The following ZSWIM8 variants were observed in gnomAD, a reference collection of about 807,000 sequenced individuals.
The protein encoded by ZSWIM8 is zinc finger SWIM domain-containing protein 8.
In ZSWIM8, 27 loss-of-function variants were observed where a neutral mutation model predicts 173.7. The observed-to-expected ratio is 0.16, with a 90% confidence interval of 0.11 to 0.21. The LOEUF is 0.21. Among genes scored for constraint, ZSWIM8 ranks in the 10% least tolerant of loss-of-function variants. ZSWIM8 has a pLI of 1.00. For synonymous variants in ZSWIM8, 958 were observed against 962.0 expected (o/e 1.00, Z 0.08); for missense variants, 1,627 against 2,428.8 (o/e 0.67, Z 6.94).
At chr10:73,786,231 C>A in intron 1 of ZSWIM8, 145 bp downstream of exon 1, 1 of 949,654 alleles carries the variant, frequency 1.1e-6, no homozygotes, top group Non-Finnish European at 1.5e-6. Flanking sequence ...GGAGCTGTCC[C>A]CGACTGGGAG....
Position 73,785,792 on chromosome 10 carries a change from A to C in ZSWIM8, c.-87A>C, listed in dbSNP as rs934510162. 2.4e-5 allele frequency: 34 copies of C among 1,408,112 alleles called. No individual in the cohort carries two copies. In the African/African-American group the frequency reaches 4.8e-4, roughly 20 times the overall value. 87.2% of individuals were successfully genotyped at this position (1,408,112 alleles called of 1,614,324 possible). A position where few individuals can be genotyped will look rare whatever the true frequency, so the allele number is the denominator to read the frequency against. ...CACCCCCAGCCCCGGCTCGCCCCTC[A>C]GGCCCCGGGCCTCCCCTCAACCCCC... is the stretch of plus-strand genomic sequence containing the variant. On this transcript the variant is annotated 5_prime_UTR_variant, in exon 1 of 26. Transcript: ENST00000604729.
chr10:73,786,347 C>T (rs181008434), intron 1 of ZSWIM8: 704 of 270,716 alleles, frequency 2.6e-3, no homozygotes, highest in African/African-American at 8.0e-3. Context: ...TGTGTGTGTG[C>T]GCGCGCGCGC....
intron 1 of ZSWIM8, chr10:73,786,302 G>T (rs2132634421): frequency 1.8e-6 from 1 of 541,678 alleles, no homozygotes; most frequent in South Asian, 2.8e-5. Flanking sequence ...GGGTGGGCTG[G>T]CTTCTCCACA....
chr10:73,787,142 C>G (rs924926851), intron 1 of ZSWIM8, among the ~76,000 whole-genome samples: 10 of 152,094 alleles, frequency 6.6e-5, no homozygotes, highest in African/African-American at 2.4e-4. Flanking sequence ...CCGGGTTTCT[C>G]CATGTTGGTC....
rs1210119454 is a variant in ZSWIM8, at chr10:73,801,273, T to C, written c.5302-43T>C. The C allele has an allele frequency of 6.2e-7, 1 of 1,607,392 alleles. No individual in the cohort carries two copies. The highest frequency in any genetic ancestry group is 8.5e-7 in the Non-Finnish European group (1 of 1,175,058). ...ACCAGAGGGAGGCAGGGCCTGTTTC[T>C]GTGCTTTGTACTAAGGCTCATCCTG... On this transcript the variant is annotated intron_variant, in intron 25 of 25. Coordinates refer to ENST00000604729, the MANE Select transcript of ZSWIM8 (RefSeq NM_001367799.1). This position sits in a 1 kb window ranked among gnomAD's most constrained non-coding sequence, Gnocchi z 4.9.
intron 1 of ZSWIM8, among the ~76,000 whole-genome samples, chr10:73,787,326 A>C (rs1468518566): frequency 6.6e-6 from 1 of 152,106 alleles, no homozygotes; most frequent in Non-Finnish European, 1.5e-5. Context: ...CACACACACA[A>C]ACACACACAG....
chr10:73,789,958 C>A lies in ZSWIM8; in HGVS notation c.741C>A (p.Ile247=), dbSNP rs759839036. 6.2e-7 allele frequency: 1 copy of A among 1,612,710 alleles called. No individual in the cohort carries two copies. The highest frequency in any genetic ancestry group is 1.7e-5 in the Admixed American group (1 of 59,870). ...GCCTCCGTCTCTTTCTCCCTCAGAT[C>A]CTCCCCACAGCTCAGCGTCTCCTGG... ...QYLISELPQQ[I]LPTAQRLLDE... The change falls in exon 6 of 26, where the codon ATC becomes ATA. Residue 247 remains isoleucine (I), a splice_region_variant and synonymous_variant. Transcript: ENST00000604729. This position sits in a 1 kb window ranked among gnomAD's most constrained non-coding sequence, Gnocchi z 6.8.
chr10:73,785,985 G>T lies in ZSWIM8; in HGVS notation c.107G>T (p.Ser36Ile). The part of the protein sequence containing the change: ...SLCSFISEAE[S>I]LCQNWRGWRK... ...TGTTCCTTCATCTCCGAGGCCGAGAGCCTCTGCCAGAACTGGCGGGGATGG... is the reference window on the plus strand; with the variant it reads ...TGTTCCTTCATCTCCGAGGCCGAGATCCTCTGCCAGAACTGGCGGGGATGG... Residue 36 changes from serine to isoleucine, a missense_variant, in exon 1 of 26, where the codon AGC (serine) becomes ATC (isoleucine). Ser to Ile is a moderately radical substitution (Grantham distance 142). Coordinates refer to ENST00000604729, the MANE Select transcript of ZSWIM8 (RefSeq NM_001367799.1). 6.2e-7 allele frequency: 1 copy of T among 1,600,780 alleles called. No homozygotes were observed. The highest frequency in any genetic ancestry group is 1.1e-5 in the South Asian group (1 of 88,760).
chr10:73,786,238 G>A, intron 1 of ZSWIM8, 152 bp downstream of exon 1: 1 of 896,216 alleles, frequency 1.1e-6, no homozygotes, highest in South Asian at 1.9e-5. Flanking sequence ...TCCCCGACTG[G>A]GAGCTGTCCC....
rs1302245038 is a variant in ZSWIM8 at position 73,793,912 on chromosome 10, C to T, written c.2493C>T (p.Thr831=). 1.9e-6 allele frequency: 3 copies of T among 1,613,194 alleles called. No homozygotes were observed. The highest frequency in any genetic ancestry group is 2.7e-5 in the African/African-American group (2 of 74,906). ...VSTSRQTWVA[T]NTLSKAAFLL... ...CGAGCCGTCAGACCTGGGTGGCTAC[C>T]AACACCCTGAGCAAGGCGGCCTTCC... is the stretch of plus-strand genomic sequence containing the variant. Residue 831 remains threonine (T), a synonymous_variant, in exon 12 of 26, where the codon ACC becomes ACT. Coordinates refer to ENST00000604729, the MANE Select transcript of ZSWIM8 (RefSeq NM_001367799.1).
Position 73,800,570 on chromosome 10 carries a change from AGGTG to A in ZSWIM8, c.5003-69_5003-66del. On this transcript the variant is annotated intron_variant, in intron 23 of 25. Transcript: ENST00000604729. This position sits in a 1 kb window ranked among gnomAD's most constrained non-coding sequence, Gnocchi z 4.1. ...CTCTTCATTTGTTTACTGTGGGGTC[AGGTG>A]ACAGGTTGGGGTAAAGGGTGAAGAG... 1 of 1,602,960 alleles carries A rather than the reference AGGTG, an allele frequency of 6.2e-7. No homozygotes were observed. The highest frequency in any genetic ancestry group is 8.5e-7 in the Non-Finnish European group (1 of 1,173,256).
intron 21 of ZSWIM8, chr10:73,799,755 ACC>A (rs2083839671): frequency 1.6e-6 from 1 of 626,496 alleles, no homozygotes; most frequent in African/African-American, 1.8e-5. Context: ...ACATGGGGAA[ACC>A]CCGTCTCTAC....
chr10:73,796,618 A>G (rs976701085), intron 15 of ZSWIM8, 156 bp from the exon 16 acceptor site: 6 of 1,000,478 alleles, frequency 6.0e-6, no homozygotes, highest in African/African-American at 4.9e-5. Flanking sequence ...ACAAAAAGAC[A>G]TGTAAACCAG....
Position 73,793,857 on chromosome 10 carries a change from C to T in ZSWIM8, c.2446-8C>T, listed in dbSNP as rs922880007. The T allele has an allele frequency of 1.2e-6, 2 of 1,600,468 alleles. No individual in the cohort carries two copies. The highest frequency in any genetic ancestry group is 1.7e-6 in the Non-Finnish European group (2 of 1,175,050). On this transcript the variant is annotated splice_polypyrimidine_tract_variant and splice_region_variant and intron_variant, in intron 11 of 25. Transcript: ENST00000604729. ...TCTGCCTGTCTCCTGTGTTTCTTCC[C>T]TTTCTAGGGCAAGAAGAACAAGGTA... is the stretch of plus-strand genomic sequence containing the variant.
Position 73,785,858 on chromosome 10 carries a change from G to T in ZSWIM8, c.-21G>T, listed in dbSNP as rs374377773. The T allele has an allele frequency of 2.4e-3, 3,533 of 1,487,800 alleles. 11 individuals are homozygous for T. Among genetic ancestry groups the T allele is most frequent in the Admixed American group, 5.1e-3 (220 of 42,786 alleles). The allele number at this position is 1,487,800 out of a possible 1,614,324, so 92.2% of individuals were successfully genotyped here. ...CCCCGGATCCGCGGGGGGGGACCCGGCCCCGGGGGGTGCGGGCCCCATGGA... is the reference window on the plus strand; with the variant it reads ...CCCCGGATCCGCGGGGGGGGACCCGTCCCCGGGGGGTGCGGGCCCCATGGA... On this transcript the variant is annotated 5_prime_UTR_variant, in exon 1 of 26. Coordinates refer to ENST00000604729, the MANE Select transcript of ZSWIM8 (RefSeq NM_001367799.1).
Position 73,795,556 on chromosome 10 carries a change from A to T in ZSWIM8, c.2926A>T (p.Ser976Cys), listed in dbSNP as rs1476818291. ...VAALGMKTTVSEAEHPLLCEG... is the reference protein window; with the variant it reads ...VAALGMKTTVCEAEHPLLCEG... ...TCTCGCAGGCATGAAGACAACAGTGAGCGAGGCAGAACATCCCCTCTTATG... is the reference window on the plus strand; with the variant it reads ...TCTCGCAGGCATGAAGACAACAGTGTGCGAGGCAGAACATCCCCTCTTATG... Residue 976 changes from serine to cysteine, a missense_variant, in exon 15 of 26, where the codon AGC becomes TGC. Ser to Cys is a moderately radical substitution (Grantham distance 112). Coordinates refer to ENST00000604729, the MANE Select transcript of ZSWIM8 (RefSeq NM_001367799.1). 1.4e-5 allele frequency: 22 copies of T among 1,613,856 alleles called. No individual in the cohort carries two copies. The highest frequency in any genetic ancestry group is 1.9e-5 in the Non-Finnish European group (22 of 1,179,890).
In ZSWIM8 at chr10:73,792,782, A is replaced by G; in HGVS notation, c.2243A>G (p.Glu748Gly). 1.2e-6 allele frequency: 2 copies of G among 1,608,218 alleles called. No individual in the cohort carries two copies. The highest frequency in any genetic ancestry group is 1.7e-6 in the Non-Finnish European group (2 of 1,179,204). Reference protein sequence around the residue: ...DGAGGEEEKAEGGAGEEHDLF... With the variant: ...DGAGGEEEKAGGGAGEEHDLF... ...GCTGGGGGCGAGGAAGAGAAGGCCGAGGGCGGGGCTGGGGAGGAGCACGAC... is the reference window on the plus strand; with the variant it reads ...GCTGGGGGCGAGGAAGAGAAGGCCGGGGGCGGGGCTGGGGAGGAGCACGAC... The change falls in exon 10 of 26, where the codon GAG becomes GGG. Residue 748 changes from glutamate to glycine, a missense_variant. By Grantham distance (98) the Glu-to-Gly change is moderately conservative. Coordinates refer to ENST00000604729, the MANE Select transcript of ZSWIM8 (RefSeq NM_001367799.1). The surrounding 1 kb of genome is among the most constrained non-coding windows in gnomAD (Gnocchi z 4.3).
rs762030017 is a variant in ZSWIM8 at position 73,793,599 on chromosome 10, C to T, written c.2325C>T (p.Ala775=). ...EQESRMEVLF[A]CAEALHAHGY... ...TGTCCTCCTTCCAGGTACTGTTTGC[C>T]TGTGCTGAGGCCCTGCATGCGCATG... The change falls in exon 11 of 26, where the codon GCC becomes GCT. Residue 775 remains alanine (A), a synonymous_variant. Transcript: ENST00000604729. 3 of 1,595,100 alleles carry T rather than the reference C, an allele frequency of 1.9e-6. No homozygotes were observed. Among genetic ancestry groups the T allele is most frequent in the African/African-American group, 1.3e-5 (1 of 74,304 alleles).
chr10:73,799,866 T>C lies in ZSWIM8; in HGVS notation c.4666-145T>C, dbSNP rs186410812. The C allele has an allele frequency of 6.1e-4, 475 of 783,108 alleles. No homozygotes were observed. In the African/African-American group the frequency reaches 6.9e-3, roughly 11 times the overall value. 48.5% of individuals were successfully genotyped at this position (783,108 alleles called of 1,614,324 possible). A position where few individuals can be genotyped will look rare whatever the true frequency, so the allele number is the denominator to read the frequency against. ...AGGCAGAGGTTGCAGTGAGCCGATA[T>C]CGTGCCACTGCACTCCAGCCTGGAG... On this transcript the variant is annotated intron_variant, in intron 21 of 25. Coordinates refer to ENST00000604729, the MANE Select transcript of ZSWIM8 (RefSeq NM_001367799.1).
Sources: allele counts gnomAD v4.1 joint callset (sites outside exome capture counted in the v4.1 genomes callset), GRCh38; gene constraint gnomAD v4.1.1; non-coding constraint Gnocchi (gnomAD v3.1); transcripts MANE v1.5; gene names NCBI Gene and HGNC (gene_info 2026-07-23, HGNC 2026-07-21).